The following TRIM36 variants were observed in gnomAD, a reference collection of about 807,000 sequenced individuals.
TRIM36 encodes the protein E3 ubiquitin-protein ligase TRIM36.
Under a neutral mutation model 72.4 loss-of-function variants are expected in TRIM36, and 42 were observed. The ratio of observed to expected loss-of-function variants is 0.58; its 90% CI spans 0.45 to 0.75. The LOEUF (loss-of-function observed/expected upper bound fraction) is 0.75. Among genes scored for constraint, TRIM36 ranks in the 30% least tolerant of loss-of-function variants. TRIM36 has a pLI of 0.00. For synonymous variants in TRIM36, 315 were observed against 282.8 expected, an observed-to-expected ratio of 1.11 and a Z score of -1.14; for missense variants, 913 against 857.1, an observed-to-expected ratio of 1.07 and a Z score of -0.81.
intron 2 of TRIM36, among the ~76,000 whole-genome samples, chr5:115,147,640 A>G (rs1168117919): frequency 2.0e-5 from 3 of 152,028 alleles, no homozygotes; most frequent in Non-Finnish European, 4.4e-5. Flanking sequence ...GTAAACCCAC[A>G]TAGAATCCAT....
chr5:115,179,915 G>C (rs991127141), intron 1 of TRIM36: 48 of 1,484,462 alleles, frequency 3.2e-5, no homozygotes, highest in Non-Finnish European at 3.9e-5. Context: ...CCACAGTGGC[G>C]GGCCAGGTAG....
intron 1 of TRIM36, among the ~76,000 whole-genome samples, chr5:115,164,879 T>A (rs1269908247): frequency 3.3e-5 from 5 of 152,196 alleles, no homozygotes; most frequent in Non-Finnish European, 5.9e-5. Flanking sequence ...GCAAGTTAGT[T>A]ACTTCCAGGA....
intron 2 of TRIM36, among the ~76,000 whole-genome samples, chr5:115,156,228 A>T (rs1754173566): frequency 3.3e-5 from 5 of 152,140 alleles, no homozygotes; most frequent in African/African-American, 1.2e-4. Context: ...TGTGAAAATG[A>T]CCATACTGCC....
intron 2 of TRIM36, among the ~76,000 whole-genome samples, chr5:115,152,288 A>G (rs1470101759): frequency 2.0e-5 from 3 of 152,196 alleles, no homozygotes; most frequent in African/African-American, 4.8e-5. Flanking sequence ...CTCGAAGACA[A>G]AGTCTTCGAA....
intron 4 of TRIM36, among the ~76,000 whole-genome samples, chr5:115,142,800 T>G (rs960729732): frequency 6.6e-6 from 1 of 152,208 alleles, no homozygotes; most frequent in African/African-American, 2.4e-5. Flanking sequence ...GGCTACCTCT[T>G]AACTCCTTTA....
intron 2 of TRIM36, among the ~76,000 whole-genome samples, chr5:115,151,120 G>A (rs1017796153): frequency 5.9e-5 from 9 of 152,170 alleles, no homozygotes; most frequent in African/African-American, 1.9e-4. Context: ...GCTGGGAGGC[G>A]GGTAGACTGG....
chr5:115,144,646 A>G lies in TRIM36; in HGVS notation c.687T>C (p.His229=). 6 of 1,614,186 alleles carry G rather than the reference A, an allele frequency of 3.7e-6. No homozygotes were observed. Among genetic ancestry groups the G allele is most frequent in the Non-Finnish European group, 5.1e-6 (6 of 1,180,024 alleles). Residue 229 remains histidine, a synonymous_variant, in exon 4 of 10, where the codon CAT becomes CAC. Transcript: ENST00000513154. The part of the protein sequence containing the change: ...VCHLCKLGGN[H]ANHRVTTMSS... ...TCATAGTGGTTACACGGTGGTTGGC[A>G]TGATTACCACCCAACTTACACAGAT... is the stretch of plus-strand genomic sequence containing the variant.
At chr5:115,163,281 T>C (rs1754581788) in intron 2 of TRIM36, among the ~76,000 whole-genome samples, 1 of 151,872 alleles carries the variant, frequency 6.6e-6, no homozygotes. Context: ...AATAAGGAGT[T>C]TAACACAAAG....
chr5:115,165,557 CA>C (rs1754718036), intron 1 of TRIM36, among the ~76,000 whole-genome samples: 1 of 152,202 alleles, frequency 6.6e-6, no homozygotes, highest in Non-Finnish European at 1.5e-5. Context: ...ACAGCTGGGA[CA>C]CAGGGCACCA....
intron 2 of TRIM36, among the ~76,000 whole-genome samples, chr5:115,159,333 TG>T (rs1486625407): frequency 6.6e-6 from 1 of 152,186 alleles, no homozygotes; most frequent in Admixed American, 6.5e-5. Context: ...ACTAAGTAAA[TG>T]TAAAGGATGT....
chr5:115,179,047 G>A (rs1484330723), intron 1 of TRIM36, among the ~76,000 whole-genome samples: 1 of 152,142 alleles, frequency 6.6e-6, no homozygotes, highest in Non-Finnish European at 1.5e-5. Flanking sequence ...GTGCTCCTTT[G>A]TGCCATCACC....
exon 1 of TRIM36, chr5:115,180,056 ACT>A (rs1421613786): frequency 3.7e-6 from 6 of 1,608,722 alleles, no homozygotes; most frequent in Non-Finnish European, 5.1e-6. Context: ...CCCTTCACAA[ACT>A]CTGGAGGACC....
chr5:115,160,576 G>A (rs1200244944), intron 2 of TRIM36, among the ~76,000 whole-genome samples: 2 of 152,114 alleles, frequency 1.3e-5, no homozygotes, highest in Non-Finnish European at 1.5e-5. Context: ...AGTGAATAAC[G>A]CCTGTAATCC....
At chr5:115,148,946 T>C (rs1753740589) in intron 2 of TRIM36, 1 of 152,138 alleles carries the variant, frequency 6.6e-6, no homozygotes, top group African/African-American at 2.4e-5. Flanking sequence ...TGACATGATA[T>C]CAGTTCAGGT....
chr5:115,171,149 T>C (rs138943731), upstream of TRIM36: 95 of 1,614,180 alleles, frequency 5.9e-5, 1 homozygote, highest in African/African-American at 1.1e-3. Flanking sequence ...TTGGGAGAAG[T>C]CTGTCGCTGT....
At chr5:115,154,820 C>G (rs1218912109) in intron 2 of TRIM36, among the ~76,000 whole-genome samples, 1 of 152,082 alleles carries the variant, frequency 6.6e-6, no homozygotes, top group Non-Finnish European at 1.5e-5. Context: ...AGGAACCCTC[C>G]CTAACTCATT....
rs140541034 is a variant in TRIM36, at chr5:115,139,693, T to A, written c.831+1586A>T. 4.4e-3 allele frequency among the ~76,000 whole-genome samples: 676 copies of A among 152,314 alleles called. 1 individual carries two copies. Among genetic ancestry groups the A allele is most frequent in the Non-Finnish European group, 7.1e-3 (481 of 68,036 alleles). ...ACAGATAAAAAAGACAGTGTCACCA[T>A]CATCACTAAGTAAATGTCGAGAATG... On this transcript the variant is annotated intron_variant, in intron 5 of 9. Transcript: ENST00000513154.
At chr5:115,169,231 GC>G (rs1754957681) in intron 1 of TRIM36, 1 of 217,892 alleles carries the variant, frequency 4.6e-6, no homozygotes, top group African/African-American at 2.3e-5. Context: ...ACAAAGGGCG[GC>G]CCCGCAAGCG....
intron 1 of TRIM36, among the ~76,000 whole-genome samples, chr5:115,179,098 CCTTT>C (rs1050260534): frequency 2.6e-5 from 4 of 152,200 alleles, no homozygotes; most frequent in Admixed American, 2.6e-4. Flanking sequence ...ACGCTGACGC[CCTTT>C]CCCGCCTTCT....
Sources: allele counts gnomAD v4.1 joint callset (sites outside exome capture counted in the v4.1 genomes callset), GRCh38; gene constraint gnomAD v4.1.1; transcripts MANE v1.5; gene names NCBI Gene and HGNC (gene_info 2026-07-23, HGNC 2026-07-21).